RYR3: variants seen among roughly 807,000 people sequenced by gnomAD.
RYR3 encodes the protein brain ryanodine receptor-calcium release channel.
In RYR3, 207 loss-of-function variants were observed where a neutral mutation model predicts 584.3. The observed-to-expected ratio is 0.35, with a 90% CI of 0.32 to 0.40. RYR3 has a LOEUF of 0.40. RYR3 is among the 10% of genes least tolerant of loss of function. The pLI, the probability that RYR3 is intolerant of heterozygous loss-of-function variation, is 1.00. For synonymous variants in RYR3, 2,416 were observed against 2,248.5 expected (o/e 1.07, Z -2.11); for missense variants, 5,616 against 6,089.2 (o/e 0.92, Z 2.59).
intron 1 of RYR3, among the ~76,000 whole-genome samples, chr15:33,325,793 CT>C (rs1424577627): frequency 2.6e-5 from 3 of 117,030 alleles, no homozygotes; most frequent in Non-Finnish European, 3.3e-5. Context: ...TTTCTTTTCT[CT>C]TTTCATTTCT....
intron 10 of RYR3, among the ~76,000 whole-genome samples, chr15:33,554,902 T>G (rs1360949743): frequency 6.6e-6 from 1 of 152,222 alleles, no homozygotes; most frequent in Non-Finnish European, 1.5e-5. Context: ...ATTAATAATG[T>G]TAAAGCAGGC....
intron 99 of RYR3, 36 bp downstream of exon 99, chr15:33,857,950 C>T (rs762476663): frequency 1.6e-5 from 24 of 1,495,416 alleles, no homozygotes; most frequent in Non-Finnish European, 2.2e-5. Flanking sequence ...AGCCCACCCA[C>T]TGCGGGGCCA....
At chr15:33,771,036 A>C (rs574504527) in intron 62 of RYR3, among the ~76,000 whole-genome samples, 2 of 152,308 alleles carry the variant, frequency 1.3e-5, no homozygotes, top group African/African-American at 4.8e-5. Context: ...ATCACATTTC[A>C]ATGTTTTGTT....
intron 69 of RYR3, among the ~76,000 whole-genome samples, 154 bp from the exon 70 acceptor site, chr15:33,807,401 T>C (rs553639097): frequency 1.3e-5 from 2 of 152,348 alleles, no homozygotes; most frequent in Admixed American, 1.3e-4. Context: ...CATGCTATGC[T>C]CAACTGGCTT....
At chr15:33,400,805 A>T (rs1039334621) in intron 1 of RYR3, among the ~76,000 whole-genome samples, 7 of 152,198 alleles carry the variant, frequency 4.6e-5, no homozygotes, top group Non-Finnish European at 8.8e-5. Context: ...AATCCAACAC[A>T]TTAAAACTAT....
intron 1 of RYR3, among the ~76,000 whole-genome samples, chr15:33,319,412 A>G (rs1968646267): frequency 6.6e-6 from 1 of 152,236 alleles, no homozygotes; most frequent in South Asian, 2.1e-4. Context: ...CACCCAGGAC[A>G]CTTGGCTATT....
chr15:33,726,538 G>A (rs765234141), intron 46 of RYR3, 32 bp downstream of exon 46: 3 of 1,555,880 alleles, frequency 1.9e-6, no homozygotes, highest in Non-Finnish European at 2.6e-6. Context: ...TGCAGCAGCA[G>A]TCTCCCAGCA....
chr15:33,778,487 A>C (rs1182588003), intron 64 of RYR3, among the ~76,000 whole-genome samples: 2 of 152,240 alleles, frequency 1.3e-5, no homozygotes, highest in African/African-American at 4.8e-5. Context: ...TTGGCAACTC[A>C]GGTCTGAAGT....
At chr15:33,660,553 A>G (rs185667909) in intron 34 of RYR3, 130 bp downstream of exon 34, 5 of 607,732 alleles carry the variant, frequency 8.2e-6, no homozygotes, top group African/African-American at 5.5e-5. Context: ...TGATTTCCCC[A>G]GTGCCTCAGT....
At chr15:33,685,565 T>C (rs543182247) in intron 38 of RYR3, among the ~76,000 whole-genome samples, 137 of 152,332 alleles carry the variant, frequency 9.0e-4, no homozygotes, top group Non-Finnish European at 1.6e-3. Flanking sequence ...TATCCAGGAA[T>C]TGAACTCAGC....
chr15:33,531,067 C>A (rs902960385), intron 4 of RYR3, among the ~76,000 whole-genome samples: 2 of 151,974 alleles, frequency 1.3e-5, no homozygotes, highest in African/African-American at 4.8e-5. Flanking sequence ...AGAAGAAAAA[C>A]CAATCAAATG....
intron 64 of RYR3, among the ~76,000 whole-genome samples, chr15:33,775,480 C>T (rs1190399790): frequency 6.6e-6 from 1 of 152,148 alleles, no homozygotes; most frequent in Non-Finnish European, 1.5e-5. Context: ...AATGTACCAA[C>T]GCTCAGCCTC....
At chr15:33,466,242 G>A (rs1037595403) in intron 1 of RYR3, among the ~76,000 whole-genome samples, 1 of 152,182 alleles carries the variant, frequency 6.6e-6, no homozygotes, top group Non-Finnish European at 1.5e-5. Context: ...CACCACTGTA[G>A]CAGTAGAGGG....
intron 8 of RYR3, 146 bp downstream of exon 8, chr15:33,543,861 T>TA: frequency 1.5e-6 from 1 of 673,296 alleles, no homozygotes. Context: ...TTCCGGTTTG[T>TA]AAAACAGGAA....
chr15:33,629,269 G>T (rs1244104441), intron 21 of RYR3, among the ~76,000 whole-genome samples: 1 of 152,232 alleles, frequency 6.6e-6, no homozygotes, highest in East Asian at 1.9e-4. Context: ...GTCTAGAAGT[G>T]TACTGTCTAA....
intron 52 of RYR3, among the ~76,000 whole-genome samples, chr15:33,743,072 G>T (rs1191182594): frequency 1.3e-5 from 2 of 152,196 alleles, no homozygotes; most frequent in Non-Finnish European, 2.9e-5. Context: ...ATTCCTGTGG[G>T]CAGCCAGTTA....
intron 89 of RYR3, chr15:33,839,588 G>C (rs1221166968): frequency 6.6e-6 from 1 of 152,250 alleles, no homozygotes; most frequent in Non-Finnish European, 1.5e-5. Flanking sequence ...AGAGAAGTGT[G>C]AAAAGATCCA....
chr15:33,821,074 C>G (rs2077079599), intron 78 of RYR3, among the ~76,000 whole-genome samples, 196 bp from the exon 79 acceptor site: 1 of 151,686 alleles, frequency 6.6e-6, no homozygotes, highest in South Asian at 2.1e-4. Flanking sequence ...AATGTACCAT[C>G]AAAATAAGAG....
chr15:33,322,395 C>T (rs192727417), intron 1 of RYR3, among the ~76,000 whole-genome samples: 39 of 152,174 alleles, frequency 2.6e-4, no homozygotes, highest in South Asian at 2.3e-3. Context: ...CACTTTTAAA[C>T]GACTAGATTT....
Sources: allele counts gnomAD v4.1 joint callset (sites outside exome capture counted in the v4.1 genomes callset), GRCh38; gene constraint gnomAD v4.1.1; transcripts MANE v1.5; gene names NCBI Gene and HGNC (gene_info 2026-07-23, HGNC 2026-07-21).